Variants in DNAH17 observed in about 807,000 individuals in gnomAD.
DNAH17 encodes the protein dynein axonemal heavy chain 17, also known as axonemal beta dynein heavy chain 17.
A neutral mutation model predicts 485.6 loss-of-function variants in DNAH17; 376 were observed. The observed-to-expected ratio is 0.77, with a 90% confidence interval of 0.71 to 0.84. The LOEUF (loss-of-function observed/expected upper bound fraction) is 0.84, where lower values mean the gene tolerates loss of function less well. DNAH17 is among the 40% of genes least tolerant of loss of function. The probability of loss-of-function intolerance (pLI) is 0.00; values close to 1 mark genes in which losing one functional copy is unlikely to be tolerated. For missense variants in DNAH17, 6,370 were observed against 5,839.3 expected (o/e 1.09, Z -2.96); for synonymous variants, 3,031 against 2,405.9 (o/e 1.26, Z -7.60).
At chr17:78,503,729 G>A (rs2090386234) in intron 31 of DNAH17, among the ~76,000 whole-genome samples, 1 of 152,004 alleles carries the variant, frequency 6.6e-6, no homozygotes, top group Admixed American at 6.6e-5. Flanking sequence ...ACTTTGGGAG[G>A]CTGAGGCGGG....
At chr17:78,467,881 G>T (rs1362497752) in intron 55 of DNAH17, among the ~76,000 whole-genome samples, 1 of 152,096 alleles carries the variant, frequency 6.6e-6, no homozygotes, top group African/African-American at 2.4e-5. Context: ...AGCCAGGTGT[G>T]GTGGTGGGCA....
intron 66 of DNAH17, 75 bp downstream of exon 66, chr17:78,451,394 G>C (rs2087545387): frequency 2.8e-6 from 4 of 1,409,856 alleles, no homozygotes; most frequent in African/African-American, 2.9e-5. Flanking sequence ...CCCTGGTCGG[G>C]GACCCTCACA....
At chr17:78,549,883 T>G (rs943577241) in intron 16 of DNAH17, among the ~76,000 whole-genome samples, 4 of 152,104 alleles carry the variant, frequency 2.6e-5, no homozygotes, top group African/African-American at 9.7e-5. Flanking sequence ...CAGAAGCCCG[T>G]GGGGTTTGAA....
Position 78,504,449 on chromosome 17 carries a change from G to C in DNAH17, c.4956+844C>G, listed in dbSNP as rs547948289. Among the ~76,000 whole-genome samples the C allele has an allele frequency of 2.3e-3, 337 of 148,968 alleles. 2 individuals carry two copies. The highest frequency in any genetic ancestry group is 7.8e-3 in the African/African-American group (314 of 40,274). On this transcript the variant is annotated intron_variant, in intron 31 of 80. Transcript: ENST00000389840. The stretch of plus-strand genomic sequence containing the variant: ...TGTTTGTAAGGGGTAAGCCCAGGAA[G>C]CGAATCTAGACAGATGCTGTCACCA...
intron 25 of DNAH17, among the ~76,000 whole-genome samples, chr17:78,516,778 CTTCTG>C (rs2090795938): frequency 6.6e-6 from 1 of 151,702 alleles, no homozygotes; most frequent in Non-Finnish European, 1.5e-5. Context: ...CAATTTGTAC[CTTCTG>C]TTAAGGCCTG....
Position 78,476,640 on chromosome 17 carries a change from T to C in DNAH17, c.8086A>G (p.Met2696Val). ...GTTTCCTGGTCTTTTTCGTCAACCA[T>C]TTTGTCACCATACACTCGTTCAGTC... The part of the protein sequence containing the change: ...HETERVYGDK[M>V]VDEKDQETLH... Residue 2696 changes from methionine to valine, a missense_variant, in exon 52 of 81, where the codon ATG (methionine) becomes GTG (valine). Physicochemically the swap from Met to Val is conservative, Grantham distance 21 (BLOSUM62 1). Transcript: ENST00000389840. 1 of 1,612,432 alleles carries C rather than the reference T, an allele frequency of 6.2e-7. No homozygotes were observed. The highest frequency in any genetic ancestry group is 1.3e-5 in the African/African-American group (1 of 74,986).
intron 26 of DNAH17, among the ~76,000 whole-genome samples, chr17:78,513,311 C>T (rs991436452): frequency 6.6e-6 from 1 of 152,046 alleles, no homozygotes; most frequent in African/African-American, 2.4e-5. Context: ...GATAGCAGGC[C>T]CTGAAAGAAA....
At chr17:78,500,120 C>A (rs1314811988) in intron 36 of DNAH17, 185 bp downstream of exon 36, 3 of 638,006 alleles carry the variant, frequency 4.7e-6, no homozygotes, top group Admixed American at 3.2e-5. Flanking sequence ...CCCTGGAAGT[C>A]TTTCCAGAGG....
At position 78,475,502 on chromosome 17, in the gene DNAH17, G is replaced by C. The variant is rs373314479; in HGVS notation, c.8320-33C>G. On this transcript the variant is annotated intron_variant, in intron 53 of 80. Coordinates refer to ENST00000389840, the MANE Select transcript of DNAH17 (RefSeq NM_173628.4). ...AACCGGAGAGATCCCACAACATCTT[G>C]TAGCACCTGGAATCACCTCTGTCAC... 2.5e-6 allele frequency: 4 copies of C among 1,612,692 alleles called. No individual in the cohort carries two copies. In the African/African-American group the frequency reaches 4.0e-5, roughly 16 times the overall value.
intron 60 of DNAH17, 112 bp downstream of exon 60, chr17:78,459,672 T>C: frequency 8.2e-7 from 1 of 1,213,444 alleles, no homozygotes; most frequent in Non-Finnish European, 1.2e-6. Flanking sequence ...GCTGCCTAGA[T>C]TTTGAGCCAC....
Position 78,434,198 on chromosome 17 carries a change from T to C in DNAH17, c.12056A>G (p.Lys4019Arg). ...GAGCATGCACTTGAACTCCATCTCC[T>C]TGGTGCACATCTCCAGGGTGTCCTG... The part of the protein sequence containing the change: ...FTQDTLEMCT[K>R]EMEFKCMLFA... The change falls in exon 75 of 81, where the codon AAG becomes AGG. Residue 4019 changes from lysine to arginine, a missense_variant. Physicochemically the swap from Lys to Arg is conservative, Grantham distance 26. Transcript: ENST00000389840. 1 of 1,611,916 alleles carries C rather than the reference T, an allele frequency of 6.2e-7. No individual in the cohort carries two copies. Among genetic ancestry groups the C allele is most frequent in the Non-Finnish European group, 8.5e-7 (1 of 1,178,544 alleles).
At chr17:78,437,561 A>C (rs1276447994) in intron 74 of DNAH17, 80 bp downstream of exon 74, 6 of 1,127,576 alleles carry the variant, frequency 5.3e-6, no homozygotes, top group Non-Finnish European at 7.6e-6. Context: ...AGCGGTCCTC[A>C]GTGGTCCTCG....
At chr17:78,450,441 G>A (rs1202947533) in intron 67 of DNAH17, 47 bp from the exon 68 acceptor site, 3 of 1,605,852 alleles carry the variant, frequency 1.9e-6, no homozygotes, top group Admixed American at 3.4e-5. Context: ...GATGGGCAGT[G>A]CCATGAGCAG....
In DNAH17 at chr17:78,571,607, T is replaced by C. The variant is rs754691166; in HGVS notation, c.715A>G (p.Lys239Glu). The change falls in exon 4 of 81, where the codon AAG becomes GAG. Residue 239 changes from lysine (K) to glutamate (E), a missense_variant. By Grantham distance (56) the Lys-to-Glu change is moderately conservative. Coordinates refer to ENST00000389840, the MANE Select transcript of DNAH17 (RefSeq NM_173628.4). Reference protein sequence around the residue: ...EFWDTRLLNLKCIHEQLNRPK... With the variant: ...EFWDTRLLNLECIHEQLNRPK... ...GGCCGTACCTGTTCATGGATGCACT[T>C]GAGGTTCAGCAGCCGAGTGTCCCAG... The C allele has an allele frequency of 6.2e-7, 1 of 1,613,870 alleles. No homozygotes were observed. The highest frequency in any genetic ancestry group is 1.7e-5 in the Admixed American group (1 of 60,032).
At chr17:78,457,302 T>C (rs1346951941) in intron 62 of DNAH17, among the ~76,000 whole-genome samples, 1 of 151,930 alleles carries the variant, frequency 6.6e-6, no homozygotes, top group East Asian at 1.9e-4. Context: ...ACCCGGGAGA[T>C]GGAGGTTGCA....
rs759365182 is a variant in DNAH17 at position 78,428,629 on chromosome 17, C to T, written c.12484G>A (p.Gly4162Ser). 52 of 1,613,868 alleles carry T rather than the reference C, an allele frequency of 3.2e-5. No homozygotes were observed. Among genetic ancestry groups the T allele is most frequent in the Non-Finnish European group, 4.3e-5 (51 of 1,179,912 alleles). The change falls in exon 77 of 81, where the codon GGC (glycine) becomes AGC (serine). Residue 4162 changes from glycine (G) to serine (S), a missense_variant. Gly to Ser is a moderately conservative substitution (Grantham distance 56). Coordinates refer to ENST00000389840, the MANE Select transcript of DNAH17 (RefSeq NM_173628.4). Reference protein sequence around the residue: ...LYGLHPNAEIGFLTVTSEKLF... With the variant: ...LYGLHPNAEISFLTVTSEKLF... ...TTCTCTGAGGTGACCGTCAGAAAGCCAATCTCTGCGTTGGGGTGCAGGCCA... is the reference window on the plus strand; with the variant it reads ...TTCTCTGAGGTGACCGTCAGAAAGCTAATCTCTGCGTTGGGGTGCAGGCCA...
intron 54 of DNAH17, chr17:78,472,845 T>G (rs1249882584): frequency 2.4e-6 from 1 of 416,288 alleles, no homozygotes; most frequent in Non-Finnish European, 5.0e-6. Context: ...AGGTCACCCT[T>G]CAGCAGTTTC....
Position 78,451,832 on chromosome 17 carries a change from C to T in DNAH17, c.10530-159G>A, listed in dbSNP as rs544397053. Among the ~76,000 whole-genome samples the T allele has an allele frequency of 2.0e-5, 3 of 152,258 alleles. No individual in the cohort carries two copies. The East Asian group carries it at 5.8e-4, about 29-fold the overall frequency. ...GCACTGCACCTCTCCTTGTCTGTTC[C>T]TCCTCCCTGGCCTGTGACGTGGGCC... On this transcript the variant is annotated intron_variant, in intron 65 of 80. Transcript: ENST00000389840.
chr17:78,535,549 C>T (rs891490602), intron 19 of DNAH17, among the ~76,000 whole-genome samples: 3 of 152,196 alleles, frequency 2.0e-5, no homozygotes, highest in East Asian at 1.9e-4. Flanking sequence ...CACGAGCACA[C>T]GCACATCCCT....
Sources: allele counts gnomAD v4.1 joint callset (sites outside exome capture counted in the v4.1 genomes callset), GRCh38; gene constraint gnomAD v4.1.1; transcripts MANE v1.5; gene names NCBI Gene and HGNC (gene_info 2026-07-23, HGNC 2026-07-21).